The following DMD variants were observed in gnomAD, a reference collection of about 807,000 sequenced individuals.
The protein encoded by DMD is mutant dystrophin.
DMD carries 63 observed loss-of-function variants against 330.1 expected under a neutral mutation model. The observed-to-expected ratio is 0.19, with a 90% CI of 0.16 to 0.24. DMD has a LOEUF of 0.24. Ranked by LOEUF, DMD falls within the 10% of genes least tolerant of loss-of-function variation. The pLI is 1.00. For missense variants in DMD, 3,344 were observed against 2,684.1 expected (o/e 1.25, Z -5.43); for synonymous variants, 1,223 against 959.8 (o/e 1.27, Z -5.07).
At chrX:32,759,027 T>C (rs2148359143) in intron 7 of DMD, among the ~76,000 whole-genome samples, 1 of 110,233 alleles carries the variant, frequency 9.1e-6, no homozygotes, top group South Asian at 3.8e-4. Context: ...ACTCATTTTA[T>C]CTTATCCAAT....
intron 44 of DMD, among the ~76,000 whole-genome samples, chrX:32,085,748 T>C (rs2096434408): frequency 9.2e-6 from 1 of 108,211 alleles, no homozygotes; most frequent in African/African-American, 3.4e-5. Flanking sequence ...GGCTTTTCTC[T>C]AGAAAAAGTA....
At chrX:32,598,629 C>A (rs2055844219) in intron 12 of DMD, among the ~76,000 whole-genome samples, 1 of 111,692 alleles carries the variant, frequency 9.0e-6, no homozygotes, top group Admixed American at 9.5e-5. Flanking sequence ...GTAAGAAAAA[C>A]ATTGGATCCA....
chrX:33,083,154 A>AGTGGC (rs1057289580), intron 1 of DMD, among the ~76,000 whole-genome samples: 2 of 111,775 alleles, frequency 1.8e-5, no homozygotes, highest in African/African-American at 6.5e-5. Context: ...AGAAGAACGG[A>AGTGGC]GTGGCGTCTT....
At chrX:32,845,419 C>G (rs929453553) in intron 3 of DMD, among the ~76,000 whole-genome samples, 2 of 111,976 alleles carry the variant, frequency 1.8e-5, no homozygotes, top group African/African-American at 6.5e-5. Context: ...CTGCATAGTT[C>G]ATTGTAATAT....
intron 2 of DMD, among the ~76,000 whole-genome samples, chrX:32,967,389 G>A (rs946789370): frequency 3.6e-5 from 4 of 112,062 alleles, no homozygotes; most frequent in Non-Finnish European, 7.5e-5. Context: ...GTACATTAAT[G>A]AGCAAGTTAT....
At chrX:31,232,038 C>T (rs1381491875) in intron 63 of DMD, among the ~76,000 whole-genome samples, 15 of 89,240 alleles carry the variant, frequency 1.7e-4, no homozygotes, top group Non-Finnish European at 3.1e-4. Context: ...ATGATGGGAG[C>T]GTGCCAGGTA....
chrX:31,454,389 G>A (rs972973074), intron 59 of DMD, among the ~76,000 whole-genome samples: 26 of 111,874 alleles, frequency 2.3e-4, no homozygotes, highest in East Asian at 8.4e-4. Context: ...TGATCCACCC[G>A]CCTCGGCCTC....
chrX:32,464,449 C>CA, intron 24 of DMD, 137 bp downstream of exon 24: 3 of 500,267 alleles, frequency 6.0e-6, no homozygotes, highest in Non-Finnish European at 1.0e-5. Flanking sequence ...CTGTGACAAT[C>CA]AAAAACGTCT....
rs1909163653 is a variant in DMD, at chrX:32,082,417, T to TATCTA, written c.6439-113908_6439-113904dup. On this transcript the variant is annotated intron_variant, in intron 44 of 78. Coordinates refer to ENST00000357033, the MANE Select transcript of DMD (RefSeq NM_004006.3). ...CTATCTATCTATCTATCTATCTATC[T>TATCTA]ATCTATCTATCTATCTATCTATTTT... 5.5e-5 allele frequency among the ~76,000 whole-genome samples: 6 copies of TATCTA among 109,131 alleles called. No homozygotes were observed. The South Asian group carries it at 2.4e-3, about 44-fold the overall frequency. The allele number at this position is 109,131 out of a possible 115,157, so 94.8% of individuals were successfully genotyped here.
intron 44 of DMD, among the ~76,000 whole-genome samples, chrX:32,111,519 G>T (rs1261832606): frequency 8.9e-6 from 1 of 112,004 alleles, no homozygotes; most frequent in East Asian, 2.8e-4. Context: ...GCTGATAGCT[G>T]CATAGACTAA....
At chrX:32,045,687 T>C (rs1456673373) in intron 44 of DMD, among the ~76,000 whole-genome samples, 1 of 111,991 alleles carries the variant, frequency 8.9e-6, no homozygotes, top group Non-Finnish European at 1.9e-5. Flanking sequence ...TGATCTTTGC[T>C]TCAAAAATTC....
At position 32,497,835 on chromosome X, in the gene DMD, G is replaced by C. The variant is rs190115043; in HGVS notation, c.2380+3920C>G. ...CTCAATAATACACTGAAAGGCCTTG[G>C]TCATGAAAGGCATCAGTTTAAAGAC... is the stretch of plus-strand genomic sequence containing the variant. On this transcript the variant is annotated intron_variant, in intron 19 of 78. Transcript: ENST00000357033. 8.1e-5 allele frequency among the ~76,000 whole-genome samples: 9 copies of C among 111,340 alleles called. No homozygotes were observed. The East Asian group carries it at 2.5e-3, about 31-fold the overall frequency.
intron 25 of DMD, among the ~76,000 whole-genome samples, chrX:32,458,479 T>C (rs761130847): frequency 9.0e-6 from 1 of 111,594 alleles, no homozygotes; most frequent in Admixed American, 9.6e-5. Context: ...CTCCTTGAGA[T>C]CCTGATTTTA....
At chrX:32,077,457 A>G (rs1329859057) in intron 44 of DMD, among the ~76,000 whole-genome samples, 2 of 111,993 alleles carry the variant, frequency 1.8e-5, no homozygotes, top group Non-Finnish European at 3.8e-5. Context: ...ATGTGATAAA[A>G]TAGAATATAA....
At chrX:32,890,268 C>G (rs2085068967) in intron 2 of DMD, among the ~76,000 whole-genome samples, 1 of 111,556 alleles carries the variant, frequency 9.0e-6, no homozygotes, top group South Asian at 3.8e-4. Context: ...TGTTGAAGAG[C>G]CTTGTGGACT....
intron 2 of DMD, among the ~76,000 whole-genome samples, chrX:32,870,965 A>AAAAAAAAAC (rs1569537074): frequency 3.5e-5 from 2 of 57,255 alleles, no homozygotes; most frequent in African/African-American, 1.3e-4. Context: ...CAGCAAAAAA[A>AAAAAAAAAC]AAAAAAAAAA....
chrX:32,168,540 TAA>T (rs67296978), intron 44 of DMD, among the ~76,000 whole-genome samples: 3,089 of 78,506 alleles, frequency 0.039, 122 homozygotes, highest in African/African-American at 0.11. Flanking sequence ...ATGACAGTTA[TAA>T]AAAAAAAAAA....
At chrX:31,796,011 G>A (rs2091811998) in intron 50 of DMD, among the ~76,000 whole-genome samples, 1 of 111,919 alleles carries the variant, frequency 8.9e-6, no homozygotes, top group East Asian at 2.8e-4. Context: ...GAGGGAAGAT[G>A]TAGGAAATAC....
intron 7 of DMD, among the ~76,000 whole-genome samples, chrX:32,713,799 C>T (rs2147810024): frequency 1.8e-5 from 2 of 111,429 alleles, no homozygotes; most frequent in Admixed American, 9.6e-5. Flanking sequence ...AGATGCTCCT[C>T]GACTTATGAC....
Sources: gnomAD v4.1 joint callset for allele counts (sites outside exome capture counted in the v4.1 genomes callset) on GRCh38, gnomAD v4.1.1 for gene constraint, MANE v1.5 for transcripts, NCBI Gene and HGNC (gene_info 2026-07-23, HGNC 2026-07-21) for gene names.